MCMDC2: variants seen among roughly 807,000 people sequenced by gnomAD.
MCMDC2 encodes minichromosome maintenance domain containing 2.
MCMDC2 carries 54 observed loss-of-function variants against 75.8 expected under a neutral mutation model. That is an observed-to-expected ratio of 0.71 (90% CI 0.57 to 0.89). The LOEUF is 0.89. Among genes scored for constraint, MCMDC2 ranks in the 40% least tolerant of loss-of-function variants. The pLI is 0.00. For synonymous variants in MCMDC2, 249 were observed against 274.6 expected, an observed-to-expected ratio of 0.91 and a Z score of 0.92; for missense variants, 656 against 780.4, an observed-to-expected ratio of 0.84 and a Z score of 1.90.
intron 7 of MCMDC2, among the ~76,000 whole-genome samples, chr8:66,880,248 G>C (rs918528399): frequency 6.6e-6 from 1 of 152,176 alleles, no homozygotes; most frequent in Non-Finnish European, 1.5e-5. Context: ...TATCTTACAT[G>C]CTGGGCATGG....
chr8:66,890,957 G>C lies in MCMDC2; in HGVS notation c.1166G>C (p.Gly389Ala), dbSNP rs1198061743. The change falls in exon 10 of 15, where the codon GGA becomes GCA. Residue 389 changes from glycine (G) to alanine (A), a missense_variant. Physicochemically the swap from Gly to Ala is moderately conservative, Grantham distance 60. Transcript: ENST00000422365. ...IFPTLSRNKY[G>A]TGAVSIQAGS... ...CCCACTCTATCCAGGAATAAGTATG[G>C]AACTGGAGCAGTTAGCATTCAGGCT... The C allele has an allele frequency of 6.2e-7, 1 of 1,613,578 alleles. No homozygotes were observed. Among genetic ancestry groups the C allele is most frequent in the Admixed American group, 1.7e-5 (1 of 59,918 alleles).
chr8:66,895,795 A>G (rs1486352123), intron 10 of MCMDC2, among the ~76,000 whole-genome samples: 1 of 151,470 alleles, frequency 6.6e-6, no homozygotes, highest in African/African-American at 2.4e-5. Flanking sequence ...TTCCTCTCTC[A>G]CTCCCACATG....
chr8:66,901,948 T>C (rs913293345), intron 13 of MCMDC2, among the ~76,000 whole-genome samples: 2 of 151,428 alleles, frequency 1.3e-5, no homozygotes, highest in East Asian at 1.9e-4. Flanking sequence ...AAAAAAAATA[T>C]GGGTGTTGGT....
intron 13 of MCMDC2, among the ~76,000 whole-genome samples, chr8:66,902,736 A>ATG (rs1812753371): frequency 7.0e-6 from 1 of 143,160 alleles, no homozygotes; most frequent in African/African-American, 2.6e-5. Context: ...ATATATATAT[A>ATG]TATATACATA....
At chr8:66,876,310 G>A (rs1420094635) in intron 4 of MCMDC2, among the ~76,000 whole-genome samples, 1 of 152,116 alleles carries the variant, frequency 6.6e-6, no homozygotes, top group African/African-American at 2.4e-5. Flanking sequence ...GGAAAGGCAG[G>A]GTAAATGTTT....
At chr8:66,888,011 C>CA (rs911234132) in intron 9 of MCMDC2, among the ~76,000 whole-genome samples, 4 of 152,130 alleles carry the variant, frequency 2.6e-5, no homozygotes, top group African/African-American at 9.7e-5. Context: ...TCAGGTAATG[C>CA]AACTTTATCT....
At chr8:66,878,220 C>T (rs562782898) in intron 5 of MCMDC2, among the ~76,000 whole-genome samples, 1 of 152,152 alleles carries the variant, frequency 6.6e-6, no homozygotes, top group Non-Finnish European at 1.5e-5. Flanking sequence ...TGACCCTCCT[C>T]TCTTCTCTCT....
downstream of MCMDC2, among the ~76,000 whole-genome samples, chr8:66,925,269 G>A (rs890533259): frequency 1.3e-5 from 2 of 152,238 alleles, no homozygotes; most frequent in South Asian, 2.1e-4. Context: ...ATGGCTTGTG[G>A]GGAAAGCTCG....
Position 66,883,650 on chromosome 8 carries a change from T to C in MCMDC2, c.836-107T>C. On this transcript the variant is annotated intron_variant, in intron 8 of 14. Coordinates refer to ENST00000422365, the MANE Select transcript of MCMDC2 (RefSeq NM_173518.5). ...CTCAAAAAAAAAAAGAATATGGTAT[T>C]ATTGGAACTATAATTTGATAACATT... 3 of 657,908 alleles carry C rather than the reference T, an allele frequency of 4.6e-6. No individual in the cohort carries two copies. In the East Asian group the frequency reaches 8.2e-5, roughly 18 times the overall value. 40.8% of individuals were successfully genotyped at this position (657,908 alleles called of 1,614,324 possible).
intron 1 of MCMDC2, among the ~76,000 whole-genome samples, chr8:66,872,377 A>T (rs1421786858): frequency 1.3e-5 from 2 of 152,098 alleles, no homozygotes; most frequent in African/African-American, 4.8e-5. Context: ...CTTCCCTATG[A>T]CCCCACCATC....
At chr8:66,884,155 A>G (rs1227894839) in intron 9 of MCMDC2, 161 bp downstream of exon 9, 12 of 594,638 alleles carry the variant, frequency 2.0e-5, no homozygotes, top group South Asian at 1.8e-4. Context: ...TTTGAAAGAT[A>G]AATTGATAAG....
At chr8:66,883,619 T>C (rs983344621) in intron 8 of MCMDC2, 138 bp from the exon 9 acceptor site, 1 of 601,204 alleles carries the variant, frequency 1.7e-6, no homozygotes, top group African/African-American at 1.9e-5. Context: ...CATAACAAGA[T>C]CCTGTCTCAA....
chr8:66,898,033 G>A (rs1812441670), intron 12 of MCMDC2, among the ~76,000 whole-genome samples: 1 of 151,988 alleles, frequency 6.6e-6, no homozygotes, highest in Admixed American at 6.5e-5. Context: ...TATGAATATT[G>A]TTTATTCACA....
intron 12 of MCMDC2, among the ~76,000 whole-genome samples, chr8:66,897,898 A>C (rs940245583): frequency 1.3e-5 from 2 of 152,204 alleles, no homozygotes; most frequent in Non-Finnish European, 2.9e-5. Flanking sequence ...GGTATGATAG[A>C]TAAAAGGCAG....
intron 12 of MCMDC2, among the ~76,000 whole-genome samples, chr8:66,899,759 G>C (rs1812549830): frequency 6.6e-6 from 1 of 151,790 alleles, no homozygotes; most frequent in East Asian, 2.0e-4. Flanking sequence ...GCCTCCCAAA[G>C]TGCTGGGATT....
chr8:66,897,076 TC>T, intron 12 of MCMDC2, 117 bp downstream of exon 12: 1 of 1,004,278 alleles, frequency 1.0e-6, no homozygotes, highest in South Asian at 1.8e-5. Flanking sequence ...CCATCTTGGT[TC>T]CAGCTTTTAA....
intron 10 of MCMDC2, among the ~76,000 whole-genome samples, 172 bp downstream of exon 10, chr8:66,891,242 G>A (rs1812093359): frequency 6.6e-6 from 1 of 152,200 alleles, no homozygotes; most frequent in South Asian, 2.1e-4. Flanking sequence ...ATGTGCAAAT[G>A]CCCAGTTTTA....
At position 66,896,460 on chromosome 8, in the gene MCMDC2, G is replaced by T. The variant is rs977207037; in HGVS notation, c.1446+124G>T. ...ACTTTATTGAGTACCAGAACTACATGATGACCCAGTTGTTTAAAAATTGTA... is the reference window on the plus strand; with the variant it reads ...ACTTTATTGAGTACCAGAACTACATTATGACCCAGTTGTTTAAAAATTGTA... On this transcript the variant is annotated intron_variant, in intron 11 of 14. Coordinates refer to ENST00000422365, the MANE Select transcript of MCMDC2 (RefSeq NM_173518.5). 66 of 869,706 alleles carry T rather than the reference G, an allele frequency of 7.6e-5. No homozygotes were observed. The African/African-American group carries it at 1.1e-3, about 15-fold the overall frequency. The allele number at this position is 869,706 out of a possible 1,614,324, so 53.9% of individuals were successfully genotyped here.
At chr8:66,883,691 C>G in intron 8 of MCMDC2, 66 bp from the exon 9 acceptor site, 1 of 838,084 alleles carries the variant, frequency 1.2e-6, no homozygotes, top group African/African-American at 1.7e-5. Context: ...TAAAGGGAGT[C>G]AAATATCTAT....
Sources: allele counts gnomAD v4.1 joint callset (sites outside exome capture counted in the v4.1 genomes callset), GRCh38; gene constraint gnomAD v4.1.1; transcripts MANE v1.5; gene names NCBI Gene and HGNC (gene_info 2026-07-23, HGNC 2026-07-21).